DECR2: variants seen among roughly 807,000 people sequenced by gnomAD.
DECR2 encodes the protein peroxisomal 2,4-dienoyl-CoA reductase [(3E)-enoyl-CoA-producing].
A neutral mutation model predicts 29.2 loss-of-function variants in DECR2; 34 were observed. The observed-to-expected ratio is 1.16, with a 90% CI of 0.89 to 1.55. DECR2 has a LOEUF of 1.55. Among genes scored for constraint, DECR2 ranks in the 40% most tolerant of loss-of-function variants. The probability of loss-of-function intolerance (pLI) is 0.00; values close to 1 mark genes in which losing one functional copy is unlikely to be tolerated. For synonymous variants in DECR2, 224 were observed against 182.7 expected (o/e 1.23, Z -1.82); for missense variants, 485 against 425.3 (o/e 1.14, Z -1.23).
chr16:405,101 A>G (rs1266850276), intron 2 of DECR2, 77 bp downstream of exon 2: 4 of 1,561,828 alleles, frequency 2.6e-6, no homozygotes, highest in Non-Finnish European at 3.5e-6. Context: ...ACCCCTGGAA[A>G]GATGTTGGTG....
At chr16:408,988 C>T (rs1019900854) in intron 4 of DECR2, among the ~76,000 whole-genome samples, 25 of 151,818 alleles carry the variant, frequency 1.6e-4, no homozygotes, top group African/African-American at 5.3e-4. Flanking sequence ...CCCGCTACCA[C>T]ACCTGGCTAA....
chr16:409,982 C>T lies in DECR2; in HGVS notation c.338-261C>T, dbSNP rs2054791088. The T allele has an allele frequency of 1.7e-5, 9 of 519,648 alleles. No individual in the cohort carries two copies. The East Asian group carries it at 2.8e-4, about 16-fold the overall frequency. 32.2% of individuals were successfully genotyped at this position (519,648 alleles called of 1,614,324 possible). A position where few individuals can be genotyped will look rare whatever the true frequency, so the allele number is the denominator to read the frequency against. ...GTGTAATTCGATTATCTCTGCAACC[C>T]ACCCCATTTCCAAACAAGGCCACAG... On this transcript the variant is annotated intron_variant, in intron 4 of 8. Transcript: ENST00000219481.
chr16:411,321 C>T (rs771440669), intron 7 of DECR2, 40 bp from the exon 8 acceptor site: 1 of 1,574,034 alleles, frequency 6.4e-7, no homozygotes, highest in East Asian at 2.2e-5. Flanking sequence ...GGTGCTGGGT[C>T]TTGGGGCTCA....
rs1477406943 is a variant in DECR2 at position 410,510 on chromosome 16, G to GA, written c.462+144dup. ...GTACTCCCAGCGGGGGCCTCCCCCT[G>GA]ACGGCCGCCCGCTCCCTGCCCTGGG... On this transcript the variant is annotated intron_variant, in intron 5 of 8. Transcript: ENST00000219481. This position sits in a 1 kb window ranked among gnomAD's most constrained non-coding sequence, Gnocchi z 4.1. 5.3e-4 allele frequency: 737 copies of GA among 1,379,374 alleles called. 8 individuals are homozygous for GA. Among genetic ancestry groups the GA allele is most frequent in the Admixed American group, 5.5e-4 (28 of 50,898 alleles). 85.4% of individuals were successfully genotyped at this position (1,379,374 alleles called of 1,614,324 possible). A position where few individuals can be genotyped will look rare whatever the true frequency, so the allele number is the denominator to read the frequency against.
intron 4 of DECR2, among the ~76,000 whole-genome samples, chr16:409,320 G>A (rs2054781658): frequency 6.6e-6 from 1 of 151,842 alleles, no homozygotes; most frequent in Non-Finnish European, 1.5e-5. Context: ...ACAGGTGCCT[G>A]CCACCACGCC....
At chr16:402,704 C>G (rs1272329376) in intron 1 of DECR2, among the ~76,000 whole-genome samples, 1 of 151,564 alleles carries the variant, frequency 6.6e-6, no homozygotes, top group Non-Finnish European at 1.5e-5. Context: ...TGATCTTTTG[C>G]CAGGAGCAGT....
Position 412,036 on chromosome 16 carries a change from G to T in DECR2, c.*147G>T, listed in dbSNP as rs2054825182. 2 of 161,894 alleles carry T rather than the reference G, an allele frequency of 1.2e-5. No homozygotes were observed. The highest frequency in any genetic ancestry group is 2.7e-5 in the Non-Finnish European group (2 of 74,680). 10.0% of individuals were successfully genotyped at this position (161,894 alleles called of 1,614,324 possible). A position where few individuals can be genotyped will look rare whatever the true frequency, so the allele number is the denominator to read the frequency against. ...CCCCACGGCCCCAACTCCAGGGCAGGAGCAACTGGACAGTGGGCCTGGCCC... is the reference window on the plus strand; with the variant it reads ...CCCCACGGCCCCAACTCCAGGGCAGTAGCAACTGGACAGTGGGCCTGGCCC... On this transcript the variant is annotated 3_prime_UTR_variant, in exon 9 of 9. Transcript: ENST00000219481.
At chr16:406,272 G>T (rs1391966511) in intron 2 of DECR2, 74 bp from the exon 3 acceptor site, 2 of 1,489,658 alleles carry the variant, frequency 1.3e-6, no homozygotes, top group Non-Finnish European at 1.8e-6. Flanking sequence ...AGAGACTCCT[G>T]CTCAGGAGCT....
chr16:407,635 C>T, intron 4 of DECR2, 75 bp downstream of exon 4: 5 of 1,582,226 alleles, frequency 3.2e-6, no homozygotes, highest in Non-Finnish European at 4.3e-6. Context: ...GAACTCTGGT[C>T]ATGGGGTGGG....
intron 2 of DECR2, 66 bp from the exon 3 acceptor site, chr16:406,280 G>A: frequency 6.8e-7 from 1 of 1,463,416 alleles, no homozygotes; most frequent in Non-Finnish European, 9.1e-7. Flanking sequence ...CTGCTCAGGA[G>A]CTGGGCAGAT....
intron 1 of DECR2, among the ~76,000 whole-genome samples, chr16:402,439 C>CT (rs1383057437): frequency 6.6e-6 from 1 of 151,988 alleles, no homozygotes; most frequent in Non-Finnish European, 1.5e-5. Flanking sequence ...CCGGCCCAAC[C>CT]TGGCCTCTTT....
chr16:409,236 A>G (rs2054780523), intron 4 of DECR2, among the ~76,000 whole-genome samples: 1 of 151,694 alleles, frequency 6.6e-6, no homozygotes, highest in South Asian at 2.1e-4. Context: ...CAGTGGCGCA[A>G]TCTTGGCTCA....
In DECR2 at chr16:402,064, G is replaced by A. The variant is rs555052741; in HGVS notation, c.80+21G>A. ...CTGCGGTGAGCGGGGCCTGGGAAGC[G>A]AGCGCAGCCTTGGTGCGGGGTCCGG... On this transcript the variant is annotated intron_variant, in intron 1 of 8. Transcript: ENST00000219481. 6 of 1,355,480 alleles carry A rather than the reference G, an allele frequency of 4.4e-6. No individual in the cohort carries two copies. The African/African-American group carries it at 6.0e-5, about 14-fold the overall frequency. 84.0% of individuals were successfully genotyped at this position (1,355,480 alleles called of 1,614,324 possible).
rs138357981 is a variant in DECR2 at position 410,982 on chromosome 16, G to A, written c.567G>A (p.Thr189=). The A allele has an allele frequency of 8.5e-4, 1,359 of 1,599,648 alleles. 7 individuals carry two copies. The African/African-American group carries it at 0.014, about 16-fold the overall frequency. ...CTTTCTTCTGTGCAGACGCGATGAC[G>A]CGGCACTTGGCTGTGGAGTGGGGTC... is the stretch of plus-strand genomic sequence containing the variant. The part of the protein sequence containing the change: ...GSAKAAVDAM[T]RHLAVEWGPQ... The change falls in exon 7 of 9, where the codon ACG becomes ACA. Residue 189 remains threonine (T), a synonymous_variant. Coordinates refer to ENST00000219481, the MANE Select transcript of DECR2 (RefSeq NM_020664.4). This position sits in a 1 kb window ranked among gnomAD's most constrained non-coding sequence, Gnocchi z 4.1.
Position 410,761 on chromosome 16 carries a change from CAGGCTCCGCCA to C in DECR2, c.538_548del (p.Ser180ArgfsTer108). ...CGGGGGCAGGCGCTCCAGGTGCATG[CAGGCTCCGCCA>C]AGGCCGCTGTGGGTATGACCACCCC... On this transcript the variant is annotated frameshift_variant, in exon 6 of 9. Transcript: ENST00000219481. LOFTEE classifies it high-confidence loss of function. This position sits in a 1 kb window ranked among gnomAD's most constrained non-coding sequence, Gnocchi z 4.1. The C allele has an allele frequency of 6.2e-7, 1 of 1,603,004 alleles. No homozygotes were observed. Among genetic ancestry groups the C allele is most frequent in the East Asian group, 2.2e-5 (1 of 44,486 alleles).
At chr16:404,789 C>T (rs991138371) in intron 1 of DECR2, among the ~76,000 whole-genome samples, 167 bp from the exon 2 acceptor site, 1 of 152,018 alleles carries the variant, frequency 6.6e-6, no homozygotes, top group Non-Finnish European at 1.5e-5. Context: ...ACCACCACGC[C>T]CAGCTGATTT....
chr16:405,227 C>G, intron 2 of DECR2: 1 of 642,000 alleles, frequency 1.6e-6, no homozygotes, highest in Non-Finnish European at 2.7e-6. Flanking sequence ...CCCTACAGGT[C>G]AGTGGAGATT....
chr16:411,035 C>A lies in DECR2; in HGVS notation c.620C>A (p.Ala207Asp). Residue 207 changes from alanine to aspartate, a missense_variant, in exon 7 of 9, where the codon GCC (alanine) becomes GAC (aspartate). By Grantham distance (126) the Ala-to-Asp change is moderately radical. Coordinates refer to ENST00000219481, the MANE Select transcript of DECR2 (RefSeq NM_020664.4). The part of the protein sequence containing the change: ...GPQNIRVNSL[A>D]PGPISGTEGL... ...CAAAACATCCGCGTCAACAGCCTCG[C>A]CCCTGGCCCCATCAGTGGCACAGAG... 6.3e-7 allele frequency: 1 copy of A among 1,589,712 alleles called. No homozygotes were observed. The highest frequency in any genetic ancestry group is 8.5e-7 in the Non-Finnish European group (1 of 1,169,856).
At chr16:404,486 C>T (rs1382031452) in intron 1 of DECR2, among the ~76,000 whole-genome samples, 2 of 152,050 alleles carry the variant, frequency 1.3e-5, no homozygotes, top group Non-Finnish European at 2.9e-5. Context: ...GTGATCCGCC[C>T]GCCTTGGCCT....
Sources: gnomAD v4.1 joint callset for allele counts (sites outside exome capture counted in the v4.1 genomes callset) on GRCh38, gnomAD v4.1.1 for gene constraint, Gnocchi (gnomAD v3.1) non-coding constraint, MANE v1.5 for transcripts, NCBI Gene and HGNC (gene_info 2026-07-23, HGNC 2026-07-21) for gene names.